Variants in USP49 observed in about 807,000 individuals in gnomAD.
USP49 encodes the protein ubiquitin specific peptidase 49, also known as ubiquitin carboxyl-terminal hydrolase 49.
Under a neutral mutation model 58.6 loss-of-function variants are expected in USP49, and 24 were observed. That is an observed-to-expected ratio of 0.41 (90% CI 0.30 to 0.58). The LOEUF (loss-of-function observed/expected upper bound fraction) is 0.58. Among genes scored for constraint, USP49 ranks in the 20% least tolerant of loss-of-function variants. USP49 has a pLI of 0.30. For missense variants in USP49, 703 were observed against 866.1 expected, an observed-to-expected ratio of 0.81 and a Z score of 2.36; for synonymous variants, 408 against 365.1, an observed-to-expected ratio of 1.12 and a Z score of -1.34.
chr6:41,878,197 T>A (rs1284812180), intron 2 of USP49, among the ~76,000 whole-genome samples: 1 of 152,214 alleles, frequency 6.6e-6, no homozygotes, highest in Non-Finnish European at 1.5e-5. Flanking sequence ...AGACTTTATG[T>A]CATTATTCTA....
chr6:41,831,396 G>GAAATAA (rs1773631740), intron 3 of USP49, among the ~76,000 whole-genome samples: 2 of 149,744 alleles, frequency 1.3e-5, no homozygotes, highest in African/African-American at 4.9e-5. Context: ...TCTCAAAACA[G>GAAATAA]AAATAAAAAT....
At chr6:41,835,838 T>G (rs1020598098) in intron 3 of USP49, among the ~76,000 whole-genome samples, 1 of 151,252 alleles carries the variant, frequency 6.6e-6, no homozygotes, top group Non-Finnish European at 1.5e-5. Context: ...CTTTGGGAGG[T>G]CAAGGTGGGA....
At chr6:41,846,512 G>A (rs1252947553) in intron 3 of USP49, among the ~76,000 whole-genome samples, 2 of 152,130 alleles carry the variant, frequency 1.3e-5, no homozygotes, top group Non-Finnish European at 2.9e-5. Flanking sequence ...ATGAGTGAGA[G>A]GCAGTGTGGA....
intron 1 of USP49, among the ~76,000 whole-genome samples, chr6:41,894,632 C>T (rs1036601833): frequency 1.1e-4 from 17 of 151,950 alleles, no homozygotes; most frequent in African/African-American, 4.1e-4. Flanking sequence ...CCCAGCTCTG[C>T]CCCTCCTTGT....
intron 3 of USP49, among the ~76,000 whole-genome samples, chr6:41,813,673 C>G (rs1382225841): frequency 6.6e-6 from 1 of 152,174 alleles, no homozygotes; most frequent in Non-Finnish European, 1.5e-5. Context: ...CACTAACCTG[C>G]CATATGGGCA....
intron 3 of USP49, among the ~76,000 whole-genome samples, chr6:41,850,452 A>G (rs2127350024): frequency 6.8e-6 from 1 of 147,780 alleles, no homozygotes; most frequent in Admixed American, 6.8e-5. Context: ...CTAAGGAAAG[A>G]AAAAAAAAAA....
At position 41,794,317 on chromosome 6, in the gene USP49, A is replaced by G. The variant is rs527895414; in HGVS notation, c.*2216T>C. ...TCCTTAATCTGCTTAATAAATCCTT[A>G]TAATATTTGGTATAAAACTATTTTT... On this transcript the variant is annotated 3_prime_UTR_variant, in exon 8 of 8. Transcript: ENST00000682992. The G allele has an allele frequency of 6.6e-6, 1 of 152,222 alleles. No homozygotes were observed. The highest frequency in any genetic ancestry group is 1.9e-4 in the East Asian group (1 of 5,194). 9.4% of individuals were successfully genotyped at this position (152,222 alleles called of 1,614,324 possible).
chr6:41,853,220 C>T (rs566235897), intron 3 of USP49, among the ~76,000 whole-genome samples: 2 of 152,222 alleles, frequency 1.3e-5, no homozygotes, highest in East Asian at 1.9e-4. Flanking sequence ...AATTTTGACA[C>T]ATGCTACAAC....
chr6:41,832,181 A>C (rs1561912148), intron 3 of USP49, among the ~76,000 whole-genome samples: 1 of 151,960 alleles, frequency 6.6e-6, no homozygotes, highest in Non-Finnish European at 1.5e-5. Context: ...CTTGACCCCA[A>C]ATCTTTCCTG....
Position 41,802,468 on chromosome 6 carries a change from ATT to A in USP49, c.1561+1336_1561+1337del, listed in dbSNP as rs1178634996. ...TATTTATTTATTTATTTATTTATTT[ATT>A]TTTTATTTATTTTTTTTTTTTGAGA... On this transcript the variant is annotated intron_variant, in intron 5 of 7. Coordinates refer to ENST00000682992, the MANE Select transcript of USP49 (RefSeq NM_001286554.2). Among the ~76,000 whole-genome samples, 60 of 73,896 alleles carry A rather than the reference ATT, an allele frequency of 8.1e-4. 1 individual carries two copies. Among genetic ancestry groups the A allele is most frequent in the African/African-American group, 2.8e-3 (52 of 18,296 alleles). The allele number at this position is 73,896 out of a possible 152,430, so 48.5% of individuals were successfully genotyped here.
chr6:41,849,928 T>G (rs181114599), intron 3 of USP49, among the ~76,000 whole-genome samples: 2 of 151,854 alleles, frequency 1.3e-5, no homozygotes, highest in African/African-American at 4.8e-5. Context: ...CTAATGACAA[T>G]GAAATGAAAC....
intron 4 of USP49, 75 bp downstream of exon 4, chr6:41,805,553 A>C (rs1283112678): frequency 1.4e-6 from 2 of 1,471,164 alleles, no homozygotes; most frequent in African/African-American, 1.4e-5. Context: ...TTAGCCCAAT[A>C]ACCCGGGGAA....
chr6:41,877,532 T>G (rs537988943), intron 2 of USP49, among the ~76,000 whole-genome samples: 1 of 151,924 alleles, frequency 6.6e-6, no homozygotes, highest in Non-Finnish European at 1.5e-5. Flanking sequence ...TAATATATAC[T>G]GCTGGTCTAA....
intron 3 of USP49, among the ~76,000 whole-genome samples, chr6:41,845,190 C>T (rs1251168683): frequency 1.3e-5 from 2 of 152,120 alleles, no homozygotes; most frequent in Admixed American, 1.3e-4. Flanking sequence ...TGTGAGCCAC[C>T]GCGCACAGGC....
chr6:41,802,811 G>A (rs1316655812), intron 5 of USP49, among the ~76,000 whole-genome samples: 1 of 152,120 alleles, frequency 6.6e-6, no homozygotes, highest in South Asian at 2.1e-4. Context: ...AAGATGGAAG[G>A]ACCCTGATAA....
chr6:41,873,325 A>T (rs1294868351), intron 2 of USP49, among the ~76,000 whole-genome samples: 1 of 152,234 alleles, frequency 6.6e-6, no homozygotes, highest in Non-Finnish European at 1.5e-5. Context: ...CTGTGTGAAT[A>T]GGGCCTTTCT....
At chr6:41,847,179 C>T (rs962632764) in intron 3 of USP49, among the ~76,000 whole-genome samples, 1 of 152,106 alleles carries the variant, frequency 6.6e-6, no homozygotes, top group Non-Finnish European at 1.5e-5. Context: ...AATATAACTC[C>T]AGAAACAGGC....
chr6:41,839,618 G>C (rs184687130), intron 3 of USP49, among the ~76,000 whole-genome samples: 1 of 151,878 alleles, frequency 6.6e-6, no homozygotes, highest in African/African-American at 2.4e-5. Context: ...CCAACGAGTG[G>C]ATAAAGAAAA....
chr6:41,806,116 C>T lies in USP49; in HGVS notation c.868G>A (p.Glu290Lys). The T allele has an allele frequency of 6.2e-7, 1 of 1,613,932 alleles. No individual in the cohort carries two copies. The highest frequency in any genetic ancestry group is 2.2e-5 in the East Asian group (1 of 44,880). The change falls in exon 4 of 8, where the codon GAA (glutamate) becomes AAA (lysine). Residue 290 changes from glutamate (E) to lysine (K), a missense_variant. This residue lies in a region of USP49 where 97 missense variants were observed against 88.0 expected (regional missense o/e 1.10). Coordinates refer to ENST00000682992, the MANE Select transcript of USP49 (RefSeq NM_001286554.2). The surrounding 1 kb of genome is among the most constrained non-coding windows in gnomAD (Gnocchi z 5.9). ...TTGGTGGCTTTGGGAAACAGATGTT[C>T]CGTTTTGGAAGGGTCAAGGTTGAGG... ...CFLNLDPSKTEHLFPKATNGK... is the reference protein window; with the variant it reads ...CFLNLDPSKTKHLFPKATNGK...
Sources: allele counts gnomAD v4.1 joint callset (sites outside exome capture counted in the v4.1 genomes callset), GRCh38; gene constraint gnomAD v4.1.1; regional missense constraint gnomAD v4.1.1; non-coding constraint Gnocchi (gnomAD v3.1); transcripts MANE v1.5; gene names NCBI Gene and HGNC (gene_info 2026-07-23, HGNC 2026-07-21).